PCDHB15: variants seen among roughly 807,000 people sequenced by gnomAD.
PCDHB15 encodes the protein protocadherin beta 15, also known as protocadherin beta-15.
For synonymous variants in PCDHB15, 492 were observed against 447.9 expected (o/e 1.10, Z -1.24); for missense variants, 1,032 against 991.7 (o/e 1.04, Z -0.55).
Position 141,246,607 on chromosome 5 carries a change from C to G in PCDHB15, c.1029C>G (p.Asn343Lys). 6.2e-7 allele frequency: 1 copy of G among 1,614,168 alleles called. No homozygotes were observed. The highest frequency in any genetic ancestry group is 8.5e-7 in the Non-Finnish European group (1 of 1,180,038). The change falls in exon 1 of 1, where the codon AAC becomes AAG. Residue 343 changes from asparagine to lysine, a missense_variant. Asn to Lys is a moderately conservative substitution (Grantham distance 94, BLOSUM62 0). Coordinates refer to ENST00000231173, the MANE Select transcript of PCDHB15 (RefSeq NM_018935.4). The stretch of plus-strand genomic sequence containing the variant: ...TTAAGGTGCTGGATGTTAACGATAA[C>G]TTCCCGGAACTAAGTATTTCATCAC... ...VSVKVLDVND[N>K]FPELSISSLT...
chr5:141,245,536 C>G lies in PCDHB15; in HGVS notation c.-43C>G, dbSNP rs782600072. The G allele has an allele frequency of 3.2e-6, 5 of 1,563,382 alleles. No individual in the cohort carries two copies. Among genetic ancestry groups the G allele is most frequent in the Non-Finnish European group, 4.4e-6 (5 of 1,142,796 alleles). ...TCTGTCCCATCGCTCCCTGAAGTAG[C>G]TCTGACTCCGGTTCCTTGAAAGGGG... On this transcript the variant is annotated 5_prime_UTR_variant, in exon 1 of 1. Coordinates refer to ENST00000231173, the MANE Select transcript of PCDHB15 (RefSeq NM_018935.4).
At position 141,247,892 on chromosome 5, in the gene PCDHB15, C is replaced by T. The variant is rs782645357; in HGVS notation, c.2314C>T (p.Pro772Ser). 9.3e-6 allele frequency: 15 copies of T among 1,613,956 alleles called. No homozygotes were observed. In the East Asian group the frequency reaches 3.3e-4, roughly 36 times the overall value. Residue 772 changes from proline (P) to serine (S), a missense_variant, in exon 1 of 1, where the codon CCA becomes TCA. Physicochemically the swap from Pro to Ser is moderately conservative, Grantham distance 74. Transcript: ENST00000231173. ...NDFKFLKPIF[P>S]NIVSQDSRRK... ...TTTCAAGTTCTTGAAGCCTATATTC[C>T]CAAATATTGTAAGCCAGGACTCTAG...
At position 141,247,123 on chromosome 5, in the gene PCDHB15, T is replaced by C. The variant is rs782554625; in HGVS notation, c.1545T>C (p.Ala515=). ...ACACGGACAACGGCCACCTGTTCGC[T>C]CTCCAGTCGCTGGACTACGAGGCCC... ...SINTDNGHLF[A]LQSLDYEALQ... The change falls in exon 1 of 1, where the codon GCT becomes GCC. Residue 515 remains alanine, a synonymous_variant. Transcript: ENST00000231173. 1.1e-5 allele frequency: 18 copies of C among 1,613,666 alleles called. No individual in the cohort carries two copies. Among genetic ancestry groups the C allele is most frequent in the Non-Finnish European group, 1.1e-5 (13 of 1,179,902 alleles).
rs781882101 is a variant in PCDHB15, at chr5:141,246,295, C to A, written c.717C>A (p.Ala239=). 1 of 1,614,094 alleles carries A rather than the reference C, an allele frequency of 6.2e-7. No individual in the cohort carries two copies. Among genetic ancestry groups the A allele is most frequent in the Admixed American group, 1.7e-5 (1 of 60,018 alleles). The change falls in exon 1 of 1, where the codon GCC becomes GCA. Residue 239 remains alanine, a synonymous_variant. Coordinates refer to ENST00000231173, the MANE Select transcript of PCDHB15 (RefSeq NM_018935.4). The part of the protein sequence containing the change: ...LILVLDANDN[A]PEFVQALYEV... ...TGGTCTTGGACGCCAATGACAATGC[C>A]CCGGAGTTTGTGCAGGCGCTCTACG...
rs1223044626 is a variant in PCDHB15 at position 141,246,917 on chromosome 5, A to G, written c.1339A>G (p.Asn447Asp). ...CGTGCTGGTGTCGGACGTCAATGACAACGCCCCCGCCTTCACCCAAACCTC... is the reference window on the plus strand; with the variant it reads ...CGTGCTGGTGTCGGACGTCAATGACGACGCCCCCGCCTTCACCCAAACCTC... ...ITVLVSDVND[N>D]APAFTQTSYT... Residue 447 changes from asparagine to aspartate, a missense_variant, in exon 1 of 1, where the codon AAC (asparagine) becomes GAC (aspartate). Transcript: ENST00000231173. The G allele has an allele frequency of 1.3e-5, 21 of 1,613,426 alleles. No homozygotes were observed. Among genetic ancestry groups the G allele is most frequent in the Non-Finnish European group, 1.8e-5 (21 of 1,180,010 alleles).
Position 141,247,496 on chromosome 5 carries a change from C to T in PCDHB15, c.1918C>T (p.Leu640=), listed in dbSNP as rs1188112718. 4 of 1,608,844 alleles carry T rather than the reference C, an allele frequency of 2.5e-6. No individual in the cohort carries two copies. In the African/African-American group the frequency reaches 5.3e-5, roughly 21 times the overall value. ...LSERDVAKHR[L]VVLVKDNGEP... is the part of the protein sequence containing the mutation. The stretch of plus-strand genomic sequence containing the variant: ...CGAGCGCGACGTGGCCAAGCACAGG[C>T]TAGTGGTGCTGGTCAAGGACAATGG... The change falls in exon 1 of 1, where the codon CTA becomes TTA. Residue 640 remains leucine (L), a synonymous_variant. Transcript: ENST00000231173.
chr5:141,245,475 C>G lies in PCDHB15; in HGVS notation c.-104C>G. On this transcript the variant is annotated 5_prime_UTR_variant, in exon 1 of 1. Transcript: ENST00000231173. ...CGGAGAATGCTATTCTCCTACATTT[C>G]CGAACAGGTTATCAACGCACAGATC... is the stretch of plus-strand genomic sequence containing the variant. The G allele has an allele frequency of 5.2e-6, 5 of 956,770 alleles. No individual in the cohort carries two copies. The highest frequency in any genetic ancestry group is 7.8e-6 in the Non-Finnish European group (5 of 639,264). The allele number at this position is 956,770 out of a possible 1,614,324, so 59.3% of individuals were successfully genotyped here.
At position 141,246,781 on chromosome 5, in the gene PCDHB15, C is replaced by T; in HGVS notation, c.1203C>T (p.Tyr401=). The T allele has an allele frequency of 6.2e-7, 1 of 1,614,184 alleles. No individual in the cohort carries two copies. The highest frequency in any genetic ancestry group is 8.5e-7 in the Non-Finnish European group (1 of 1,180,038). The change falls in exon 1 of 1, where the codon TAC becomes TAT. Residue 401 remains tyrosine (Y), a synonymous_variant. Coordinates refer to ENST00000231173, the MANE Select transcript of PCDHB15 (RefSeq NM_018935.4). ...TAAAACCTTCTGTTGAGAATTTCTA[C>T]AGGCTGGTAACAGAAGGGGCGCTGG... The part of the protein sequence containing the change: ...FKLKPSVENF[Y]RLVTEGALDR...
In PCDHB15 at chr5:141,245,569, A is replaced by G; in HGVS notation, c.-10A>G. 6.2e-7 allele frequency: 1 copy of G among 1,612,670 alleles called. No homozygotes were observed. The highest frequency in any genetic ancestry group is 8.5e-7 in the Non-Finnish European group (1 of 1,179,096). On this transcript the variant is annotated 5_prime_UTR_variant, in exon 1 of 1. Coordinates refer to ENST00000231173, the MANE Select transcript of PCDHB15 (RefSeq NM_018935.4). ...CCGGTTCCTTGAAAGGGGCGTGTAC[A>G]GAAGTAAAGATGGAGCCTGCAGGGG...
Position 141,248,034 on chromosome 5 carries a change from C to G in PCDHB15, c.*92C>G. ...TTTAACCCTTTAGTAATCTTGAATT[C>G]TACTTTTTTTTAAATTTCTACTGTT... On this transcript the variant is annotated 3_prime_UTR_variant, in exon 1 of 1. Transcript: ENST00000231173. The G allele has an allele frequency of 7.8e-7, 1 of 1,282,296 alleles. No individual in the cohort carries two copies. Among genetic ancestry groups the G allele is most frequent in the Non-Finnish European group, 1.1e-6 (1 of 949,864 alleles). 79.4% of individuals were successfully genotyped at this position (1,282,296 alleles called of 1,614,324 possible).
rs782642593 is a variant in PCDHB15 at position 141,247,752 on chromosome 5, G to A, written c.2174G>A (p.Cys725Tyr). 3 of 1,614,120 alleles carry A rather than the reference G, an allele frequency of 1.9e-6. No homozygotes were observed. Among genetic ancestry groups the A allele is most frequent in the Non-Finnish European group, 2.5e-6 (3 of 1,180,036 alleles). The change falls in exon 1 of 1, where the codon TGC becomes TAC. Residue 725 changes from cysteine to tyrosine, a missense_variant. Coordinates refer to ENST00000231173, the MANE Select transcript of PCDHB15 (RefSeq NM_018935.4). ...AGCAGGGCGGCCTCAGTGGGTCGCT[G>A]CTCGGTGCCCGAGGGCCCCTTTCCA... The part of the protein sequence containing the change: ...RRSRAASVGR[C>Y]SVPEGPFPGH...
Position 141,247,556 on chromosome 5 carries a change from G to A in PCDHB15, c.1978G>A (p.Val660Met). The A allele has an allele frequency of 1.2e-6, 2 of 1,609,308 alleles. No homozygotes were observed. The highest frequency in any genetic ancestry group is 2.2e-5 in the South Asian group (2 of 90,998). ...GCGCTCGGCCACCGCCACGCTGCAAGTGCTCCTGGTGGACGGCTTCTCTCA... is the reference window on the plus strand; with the variant it reads ...GCGCTCGGCCACCGCCACGCTGCAAATGCTCCTGGTGGACGGCTTCTCTCA... ...PPRSATATLQ[V>M]LLVDGFSQPY... The change falls in exon 1 of 1, where the codon GTG becomes ATG. Residue 660 changes from valine (V) to methionine (M), a missense_variant. Coordinates refer to ENST00000231173, the MANE Select transcript of PCDHB15 (RefSeq NM_018935.4).
Position 141,246,503 on chromosome 5 carries a change from T to G in PCDHB15, c.925T>G (p.Phe309Val). The change falls in exon 1 of 1, where the codon TTT (phenylalanine) becomes GTT (valine). Residue 309 changes from phenylalanine to valine, a missense_variant. Phe to Val is a conservative substitution (Grantham distance 50, BLOSUM62 -1). Coordinates refer to ENST00000231173, the MANE Select transcript of PCDHB15 (RefSeq NM_018935.4). ...GEIRLIKKLD[F>V]ETMSSYDLDI... ...AATTCGACTAATTAAAAAACTAGAT[T>G]TTGAGACAATGTCTTCGTATGATCT... is the stretch of plus-strand genomic sequence containing the variant. 2 of 1,614,108 alleles carry G rather than the reference T, an allele frequency of 1.2e-6. No individual in the cohort carries two copies. Among genetic ancestry groups the G allele is most frequent in the Non-Finnish European group, 1.7e-6 (2 of 1,179,992 alleles).
In PCDHB15 at chr5:141,247,475, C is replaced by G. The variant is rs782605162; in HGVS notation, c.1897C>G (p.Arg633Gly). 5.0e-6 allele frequency: 8 copies of G among 1,608,192 alleles called. No homozygotes were observed. The highest frequency in any genetic ancestry group is 2.2e-5 in the East Asian group (1 of 44,884). ...GCGCACCGCCAGGCTGCTGAGCGAG[C>G]GCGACGTGGCCAAGCACAGGCTAGT... ...EVRTARLLSE[R>G]DVAKHRLVVL... Residue 633 changes from arginine to glycine, a missense_variant, in exon 1 of 1, where the codon CGC becomes GGC. Physicochemically the swap from Arg to Gly is moderately radical, Grantham distance 125. Transcript: ENST00000231173.
chr5:141,246,835 C>T lies in PCDHB15; in HGVS notation c.1257C>T (p.Ile419=), dbSNP rs146307362. The T allele has an allele frequency of 3.5e-5, 56 of 1,614,064 alleles. No homozygotes were observed. Among genetic ancestry groups the T allele is most frequent in the Non-Finnish European group, 4.6e-5 (54 of 1,180,052 alleles). ...GAGAGACCAGAGCCGAGTACAACAT[C>T]ACCATCACCATCACAGACTTGGGGA... ...LDRETRAEYN[I]TITITDLGTP... The change falls in exon 1 of 1, where the codon ATC becomes ATT. Residue 419 remains isoleucine, a synonymous_variant. Transcript: ENST00000231173.
At position 141,248,054 on chromosome 5, in the gene PCDHB15, A is replaced by T; in HGVS notation, c.*112A>T. The T allele has an allele frequency of 9.7e-7, 1 of 1,030,604 alleles. No individual in the cohort carries two copies. The highest frequency in any genetic ancestry group is 1.4e-6 in the Non-Finnish European group (1 of 734,972). The allele number at this position is 1,030,604 out of a possible 1,614,324, so 63.8% of individuals were successfully genotyped here. A position where few individuals can be genotyped will look rare whatever the true frequency, so the allele number is the denominator to read the frequency against. On this transcript the variant is annotated 3_prime_UTR_variant, in exon 1 of 1. Coordinates refer to ENST00000231173, the MANE Select transcript of PCDHB15 (RefSeq NM_018935.4). Reference sequence around the variant, plus strand: ...GAATTCTACTTTTTTTTAAATTTCTACTGTTGTCTTTAGTAATGTTACTCA... The same window carrying T: ...GAATTCTACTTTTTTTTAAATTTCTTCTGTTGTCTTTAGTAATGTTACTCA...
Position 141,246,222 on chromosome 5 carries a change from T to C in PCDHB15, c.644T>C (p.Val215Ala). 1 of 1,614,152 alleles carries C rather than the reference T, an allele frequency of 6.2e-7. No homozygotes were observed. Among genetic ancestry groups the C allele is most frequent in the South Asian group, 1.1e-5 (1 of 91,082 alleles). Residue 215 changes from valine to alanine, a missense_variant, in exon 1 of 1, where the codon GTG (valine) becomes GCG (alanine). Val to Ala is a moderately conservative substitution (Grantham distance 64, BLOSUM62 0). Coordinates refer to ENST00000231173, the MANE Select transcript of PCDHB15 (RefSeq NM_018935.4). ...GAGCTCAGATTAACCTTGACAGCGG[T>C]GGACGGTGGCTCTCCACCCCGATCT... ...QAELRLTLTAVDGGSPPRSGT... is the reference protein window; with the variant it reads ...QAELRLTLTAADGGSPPRSGT...
chr5:141,249,316 GT>G lies in PCDHB15; in HGVS notation c.*1377del, dbSNP rs1366555261. On this transcript the variant is annotated 3_prime_UTR_variant, in exon 1 of 1. Transcript: ENST00000231173. ...ACAGATTTTGGACTTGTCCAGCCAC[GT>G]TTCAAAACTGAGTAAGTCACTTCCT... is the stretch of plus-strand genomic sequence containing the variant. 206 of 152,332 alleles carry G rather than the reference GT, an allele frequency of 1.4e-3. No individual in the cohort carries two copies. Among genetic ancestry groups the G allele is most frequent in the African/African-American group, 4.3e-3 (177 of 41,566 alleles). 9.4% of individuals were successfully genotyped at this position (152,332 alleles called of 1,614,324 possible).
In PCDHB15 at chr5:141,245,969, C is replaced by T; in HGVS notation, c.391C>T (p.Pro131Ser). The T allele has an allele frequency of 6.2e-7, 1 of 1,614,160 alleles. No individual in the cohort carries two copies. Among genetic ancestry groups the T allele is most frequent in the East Asian group, 2.2e-5 (1 of 44,888 alleles). ...LLVTDINDHS[P>S]EFPEREMTLK... Reference sequence around the variant, plus strand: ...AGTGACAGACATAAACGATCATTCTCCTGAGTTTCCTGAAAGAGAAATGAC... The same window carrying T: ...AGTGACAGACATAAACGATCATTCTTCTGAGTTTCCTGAAAGAGAAATGAC... Residue 131 changes from proline (P) to serine (S), a missense_variant, in exon 1 of 1, where the codon CCT (proline) becomes TCT (serine). Pro to Ser is a moderately conservative substitution (Grantham distance 74, BLOSUM62 -1). Coordinates refer to ENST00000231173, the MANE Select transcript of PCDHB15 (RefSeq NM_018935.4).
Sources: allele counts gnomAD v4.1 joint callset, GRCh38; gene constraint gnomAD v4.1.1; transcripts MANE v1.5; gene names NCBI Gene and HGNC (gene_info 2026-07-23, HGNC 2026-07-21).